Variants in LAMA5 observed in about 807,000 individuals in gnomAD.
LAMA5 encodes laminin subunit alpha 5.
Under a neutral mutation model 433.4 loss-of-function variants are expected in LAMA5, and 260 were observed. The observed-to-expected ratio is 0.60, with a 90% CI of 0.54 to 0.66. The LOEUF (loss-of-function observed/expected upper bound fraction) is 0.66. Among genes scored for constraint, LAMA5 ranks in the 30% least tolerant of loss-of-function variants. The probability of loss-of-function intolerance (pLI) is 0.00; values close to 1 mark genes in which losing one functional copy is unlikely to be tolerated. For synonymous variants in LAMA5, 2,620 were observed against 2,226.6 expected, an observed-to-expected ratio of 1.18 and a Z score of -4.97; for missense variants, 5,378 against 5,258.5, an observed-to-expected ratio of 1.02 and a Z score of -0.70.
chr20:62,356,761 A>G (rs1985302350), intron 2 of LAMA5, among the ~76,000 whole-genome samples: 1 of 152,224 alleles, frequency 6.6e-6, no homozygotes, highest in Non-Finnish European at 1.5e-5. Context: ...TCCTGGGCAC[A>G]GGGCAGTGGG....
Position 62,314,437 on chromosome 20 carries a change from T to G in LAMA5, c.8371A>C (p.Thr2791Pro), listed in dbSNP as rs150774821. The G allele has an allele frequency of 3.0e-4, 482 of 1,613,228 alleles. No homozygotes were observed. The highest frequency in any genetic ancestry group is 3.8e-4 in the Non-Finnish European group (445 of 1,179,928). The change falls in exon 62 of 80, where the codon ACT (threonine) becomes CCT (proline). Residue 2791 changes from threonine (T) to proline (P), a missense_variant. Coordinates refer to ENST00000252999, the MANE Select transcript of LAMA5 (RefSeq NM_005560.6). ...AGAGACACACCCATGTAGTCCCCAG[T>G]GGCCTGCGGCAGTGACAGACACACA... is the stretch of plus-strand genomic sequence containing the variant. ...FVMYMGSRQATGDYMGVSLRD... is the reference protein window; with the variant it reads ...FVMYMGSRQAPGDYMGVSLRD...
rs931558984 is a variant in LAMA5, at chr20:62,359,676, T to C, written c.450+2724A>G. On this transcript the variant is annotated intron_variant, in intron 2 of 79. Transcript: ENST00000252999. This position sits in a 1 kb window ranked among gnomAD's most constrained non-coding sequence, Gnocchi z 4.3. ...CACCAGTGACCAGCGCTGGAGCCTC[T>C]TCCTGAGGCCCCACCCTTGGAGAGA... Among the ~76,000 whole-genome samples the C allele has an allele frequency of 6.6e-6, 1 of 151,942 alleles. No homozygotes were observed. Among genetic ancestry groups the C allele is most frequent in the African/African-American group, 2.4e-5 (1 of 41,344 alleles).
intron 32 of LAMA5, 79 bp downstream of exon 32, chr20:62,329,698 C>A: frequency 6.4e-7 from 1 of 1,550,538 alleles, no homozygotes; most frequent in Non-Finnish European, 8.8e-7. Context: ...AAGAGACAGA[C>A]CCAGCCCAAG....
At chr20:62,318,752 C>T in intron 52 of LAMA5, 91 bp downstream of exon 52, 4 of 1,568,248 alleles carry the variant, frequency 2.6e-6, no homozygotes, top group Non-Finnish European at 3.5e-6. Context: ...CCCGTGATGC[C>T]CACCTGATGC....
At chr20:62,310,627 T>TG in intron 75 of LAMA5, 38 bp downstream of exon 75, 1 of 1,590,252 alleles carries the variant, frequency 6.3e-7, no homozygotes, top group Non-Finnish European at 8.5e-7. Context: ...AAGGGAACAG[T>TG]GGGTGGGGAG....
chr20:62,351,857 C>T lies in LAMA5; in HGVS notation c.858+52G>A, dbSNP rs1056231383. On this transcript the variant is annotated intron_variant, in intron 5 of 79. Coordinates refer to ENST00000252999, the MANE Select transcript of LAMA5 (RefSeq NM_005560.6). ...GGCCAGGCCTCACTCACCCTGAGTCCCGGGTCCACCCGGCCAGTCCCCCTC... is the reference window on the plus strand; with the variant it reads ...GGCCAGGCCTCACTCACCCTGAGTCTCGGGTCCACCCGGCCAGTCCCCCTC... 3.8e-6 allele frequency: 6 copies of T among 1,575,572 alleles called. No homozygotes were observed. In the African/African-American group the frequency reaches 8.1e-5, roughly 21 times the overall value.
chr20:62,318,773 T>C, intron 52 of LAMA5, 70 bp downstream of exon 52: 1 of 1,580,866 alleles, frequency 6.3e-7, no homozygotes, highest in Non-Finnish European at 8.6e-7. Flanking sequence ...CACTCCATGC[T>C]GACCTCCCCC....
intron 6 of LAMA5, among the ~76,000 whole-genome samples, chr20:62,351,499 C>T (rs1984281820): frequency 6.6e-6 from 1 of 152,130 alleles, no homozygotes; most frequent in Non-Finnish European, 1.5e-5. Context: ...GGGGAGGCTG[C>T]ACATGCCCTG....
chr20:62,321,598 A>G (rs1036639602), intron 48 of LAMA5, among the ~76,000 whole-genome samples: 41 of 27,528 alleles, frequency 1.5e-3, no homozygotes, highest in African/African-American at 5.5e-3. Flanking sequence ...GGGCCAGTGG[A>G]GGTGGGGTCA....
rs1013875485 is a variant in LAMA5, at chr20:62,327,338, T to A, written c.5007A>T (p.Pro1669=). The A allele has an allele frequency of 2.5e-6, 4 of 1,602,092 alleles. No homozygotes were observed. Among genetic ancestry groups the A allele is most frequent in the Non-Finnish European group, 3.4e-6 (4 of 1,174,420 alleles). ...GGTCTGCACGGAGCATCTCCGTCCC[T>A]GGCTGCCGCTCGTGGGGCACCACCT... ...DRQVVPHERQ[P]GTEMLRADLR... Residue 1669 remains proline (P), a synonymous_variant, in exon 38 of 80, where the codon CCA becomes CCT. Transcript: ENST00000252999.
At chr20:62,354,251 TCTC>T (rs2146322932) in intron 2 of LAMA5, among the ~76,000 whole-genome samples, 1 of 151,624 alleles carries the variant, frequency 6.6e-6, no homozygotes, top group East Asian at 2.0e-4. Context: ...GCTGCGGACA[TCTC>T]CCCAGGCCCA....
In LAMA5 at chr20:62,309,996, C is replaced by G; in HGVS notation, c.10820G>C (p.Arg3607Pro). 6.2e-7 allele frequency: 1 copy of G among 1,610,746 alleles called. No homozygotes were observed. Residue 3607 changes from arginine (R) to proline (P), a missense_variant, in exon 78 of 80, where the codon CGG (arginine) becomes CCG (proline). Arg to Pro is a moderately radical substitution (Grantham distance 103). Coordinates refer to ENST00000252999, the MANE Select transcript of LAMA5 (RefSeq NM_005560.6). ...CACAGGAGGGGCCTCACCCGCTAGC[C>G]GGTGCCACTGGCCATCACACAGCAC... Reference protein sequence around the residue: ...PSVLCDGQWHRLAVMKSGNVL... With the variant: ...PSVLCDGQWHPLAVMKSGNVL...
At position 62,318,925 on chromosome 20, in the gene LAMA5, C is replaced by A. The variant is rs993057121; in HGVS notation, c.6960G>T (p.Glu2320Asp). Residue 2320 changes from glutamate to aspartate, a missense_variant, in exon 52 of 80, where the codon GAG (glutamate) becomes GAT (aspartate). Physicochemically the swap from Glu to Asp is conservative, Grantham distance 45. Transcript: ENST00000252999. The stretch of plus-strand genomic sequence containing the variant: ...GGGCCCGCATCTCCCAGAGCAGCCG[C>A]TCCACCTCGGCCAGTGTCCGGAGCA... ...EQLLRTLAEVERLLWEMRARD... is the reference protein window; with the variant it reads ...EQLLRTLAEVDRLLWEMRARD... The A allele has an allele frequency of 2.1e-5, 34 of 1,601,966 alleles. No homozygotes were observed. In the Admixed American group the frequency reaches 5.6e-4, roughly 27 times the overall value.
At chr20:62,356,193 C>T (rs1985200226) in intron 2 of LAMA5, 1 of 152,330 alleles carries the variant, frequency 6.6e-6, no homozygotes, top group Admixed American at 6.5e-5. Context: ...GTCTGTCAGA[C>T]AGGGGCCCTG....
intron 31 of LAMA5, 55 bp from the exon 32 acceptor site, chr20:62,329,971 C>A (rs990656758): frequency 6.9e-6 from 11 of 1,585,958 alleles, no homozygotes; most frequent in East Asian, 2.3e-5. Flanking sequence ...CCCCAAGACA[C>A]CCAGAGGGTT....
At position 62,349,704 on chromosome 20, in the gene LAMA5, G is replaced by GGGTGA. The variant is rs752050623; in HGVS notation, c.956+1999_956+2000insTCACC. Reference sequence around the variant, plus strand: ...GGGGGTGATGATGGTGATGGTGATGGTGATGGTGATGGTGATGGTGATGGT... The same window carrying GGGTGA: ...GGGGGTGATGATGGTGATGGTGATGGGGTGATGATGGTGATGGTGATGGTGATGGT... On this transcript the variant is annotated intron_variant, in intron 6 of 79. Coordinates refer to ENST00000252999, the MANE Select transcript of LAMA5 (RefSeq NM_005560.6). Among the ~76,000 whole-genome samples the GGGTGA allele has an allele frequency of 2.6e-3, 6 of 2,316 alleles. 3 individuals are homozygous for GGGTGA. Among genetic ancestry groups the GGGTGA allele is most frequent in the Non-Finnish European group, 9.6e-3 (6 of 628 alleles). The allele number at this position is 2,316 out of a possible 152,430, so 1.5% of individuals were successfully genotyped here.
intron 37 of LAMA5, 37 bp from the exon 38 acceptor site, chr20:62,327,443 G>A (rs1568930388): frequency 4.4e-6 from 7 of 1,594,600 alleles, no homozygotes; most frequent in South Asian, 3.4e-5. Context: ...ACGGGTGGAT[G>A]CCCACACATC....
chr20:62,357,834 C>T (rs539189191), intron 2 of LAMA5, among the ~76,000 whole-genome samples: 12 of 152,186 alleles, frequency 7.9e-5, no homozygotes, highest in Non-Finnish European at 1.6e-4. Flanking sequence ...GGGCTGCCCG[C>T]ACCTCAACAG....
intron 32 of LAMA5, among the ~76,000 whole-genome samples, 163 bp from the exon 33 acceptor site, chr20:62,329,416 C>T (rs2146177100): frequency 6.6e-6 from 1 of 152,344 alleles, no homozygotes; most frequent in East Asian, 1.9e-4. Flanking sequence ...TCAGGGGAGG[C>T]CACTCCAAGC....
Sources: gnomAD v4.1 joint callset for allele counts (sites outside exome capture counted in the v4.1 genomes callset) on GRCh38, gnomAD v4.1.1 for gene constraint, Gnocchi (gnomAD v3.1) non-coding constraint, MANE v1.5 for transcripts, NCBI Gene and HGNC (gene_info 2026-07-23, HGNC 2026-07-21) for gene names.